Variants in GFOD1 observed in about 807,000 individuals in gnomAD.
GFOD1 encodes Gfo/Idh/MocA-like oxidoreductase domain containing 1.
GFOD1 carries 9 observed loss-of-function variants against 25.4 expected under a neutral mutation model. The observed-to-expected ratio is 0.35, with a 90% confidence interval of 0.21 to 0.62. The LOEUF (loss-of-function observed/expected upper bound fraction) is 0.62, where lower values mean the gene tolerates loss of function less well. GFOD1 is among the 20% of genes least tolerant of loss of function. The pLI is 0.72. For synonymous variants in GFOD1, 253 were observed against 245.6 expected, an observed-to-expected ratio of 1.03 and a Z score of -0.28; for missense variants, 403 against 556.9, an observed-to-expected ratio of 0.72 and a Z score of 2.78.
rs930708577 is a variant in GFOD1, at chr6:13,359,487, T to G, written c.*5256A>C. On this transcript the variant is annotated 3_prime_UTR_variant, in exon 2 of 2. Transcript: ENST00000379287. ...GGATGCAGGTGGAGGGTGAGCCAAG[T>G]AGACCAAGCCTCAGGAAATCCCAGA... 1 of 152,152 alleles carries G rather than the reference T, an allele frequency of 6.6e-6. No individual in the cohort carries two copies. The highest frequency in any genetic ancestry group is 6.5e-5 in the Admixed American group (1 of 15,268). The allele number at this position is 152,152 out of a possible 1,614,324, so 9.4% of individuals were successfully genotyped here.
chr6:13,378,198 C>T (rs1785291633), intron 1 of GFOD1, among the ~76,000 whole-genome samples: 2 of 152,058 alleles, frequency 1.3e-5, no homozygotes, highest in South Asian at 4.1e-4. Flanking sequence ...GAGATATGTG[C>T]AGATCCAGGG....
At chr6:13,475,458 C>T (rs1758599016) in intron 1 of GFOD1, among the ~76,000 whole-genome samples, 1 of 151,714 alleles carries the variant, frequency 6.6e-6, no homozygotes, top group African/African-American at 2.4e-5. Context: ...GCCTGTAATC[C>T]CAGCACTTTG....
At position 13,381,725 on chromosome 6, in the gene GFOD1, G is replaced by A. The variant is rs113377365; in HGVS notation, c.254-16063C>T. ...AGAGAACAAGGACAGAGGCCCAAGTGTGGCTTGCTTTGTGCTCCAGTGGGA... is the reference window on the plus strand; with the variant it reads ...AGAGAACAAGGACAGAGGCCCAAGTATGGCTTGCTTTGTGCTCCAGTGGGA... On this transcript the variant is annotated intron_variant, in intron 1 of 1. Coordinates refer to ENST00000379287, the MANE Select transcript of GFOD1 (RefSeq NM_018988.4). Among the ~76,000 whole-genome samples, 136 of 152,218 alleles carry A rather than the reference G, an allele frequency of 8.9e-4. 1 individual carries two copies. The highest frequency in any genetic ancestry group is 3.1e-3 in the African/African-American group (128 of 41,508).
chr6:13,470,445 G>A (rs1320881229), intron 1 of GFOD1: 9 of 1,550,116 alleles, frequency 5.8e-6, no homozygotes, highest in African/African-American at 1.4e-5. Context: ...AGTTAGACAG[G>A]CTGCATCCCT....
chr6:13,438,139 G>T (rs1757862020), intron 1 of GFOD1, among the ~76,000 whole-genome samples: 1 of 152,150 alleles, frequency 6.6e-6, no homozygotes, highest in Non-Finnish European at 1.5e-5. Context: ...GGGGAGGATC[G>T]AAGGGCATAC....
At chr6:13,469,610 T>C in intron 1 of GFOD1, 12 of 1,108,818 alleles carry the variant, frequency 1.1e-5, no homozygotes, top group Non-Finnish European at 1.2e-5. Context: ...TTCTTAGCCA[T>C]GTACACTTGC....
rs1444090682 is a variant in GFOD1 at position 13,464,596 on chromosome 6, G to A, written c.253+22042C>T. On this transcript the variant is annotated intron_variant, in intron 1 of 1. Transcript: ENST00000379287. ...CAGATATTGGGTGACACACTTTTCCGGATGCTCCTGTGAAAGTATTTTTTA... is the reference window on the plus strand; with the variant it reads ...CAGATATTGGGTGACACACTTTTCCAGATGCTCCTGTGAAAGTATTTTTTA... 3.3e-5 allele frequency among the ~76,000 whole-genome samples: 5 copies of A among 152,244 alleles called. No individual in the cohort carries two copies. In the East Asian group the frequency reaches 9.6e-4, roughly 29 times the overall value.
At chr6:13,428,511 ATG>A (rs1757684891) in intron 1 of GFOD1, among the ~76,000 whole-genome samples, 3 of 24,386 alleles carry the variant, frequency 1.2e-4, no homozygotes, top group South Asian at 2.5e-3. Context: ...CCCCAGTGCG[ATG>A]CGATGCGCTG....
At chr6:13,418,660 T>G (rs1382669025) in intron 1 of GFOD1, among the ~76,000 whole-genome samples, 1 of 152,174 alleles carries the variant, frequency 6.6e-6, no homozygotes, top group Non-Finnish European at 1.5e-5. Flanking sequence ...CCTCATTTCT[T>G]ATTCATACTC....
chr6:13,376,010 A>G (rs1245265723), intron 1 of GFOD1, among the ~76,000 whole-genome samples: 1 of 152,206 alleles, frequency 6.6e-6, no homozygotes, highest in Non-Finnish European at 1.5e-5. Flanking sequence ...GGCATTCCCC[A>G]GGAAAGAAAA....
intron 1 of GFOD1, among the ~76,000 whole-genome samples, chr6:13,413,784 G>A (rs565148196): frequency 6.6e-6 from 1 of 152,176 alleles, no homozygotes; most frequent in Non-Finnish European, 1.5e-5. Context: ...AAACAGCTTG[G>A]CAGATAAGAC....
At chr6:13,445,458 T>C (rs530346711) in intron 1 of GFOD1, among the ~76,000 whole-genome samples, 2 of 152,138 alleles carry the variant, frequency 1.3e-5, no homozygotes, top group Non-Finnish European at 2.9e-5. Flanking sequence ...AGAATAGCCA[T>C]AGAATTAAAA....
chr6:13,474,448 G>C (rs979532503), intron 1 of GFOD1, among the ~76,000 whole-genome samples: 4 of 152,130 alleles, frequency 2.6e-5, no homozygotes, highest in African/African-American at 9.7e-5. Flanking sequence ...GCCTTTTGTA[G>C]ACTGGCACTG....
intron 1 of GFOD1, among the ~76,000 whole-genome samples, chr6:13,453,393 G>T (rs992436209): frequency 6.6e-6 from 1 of 152,194 alleles, no homozygotes; most frequent in African/African-American, 2.4e-5. Context: ...CATGTACAGC[G>T]AGGCTTGAAT....
intron 1 of GFOD1, among the ~76,000 whole-genome samples, chr6:13,410,158 A>G (rs1296201344): frequency 6.6e-6 from 1 of 152,130 alleles, no homozygotes; most frequent in Non-Finnish European, 1.5e-5. Flanking sequence ...TTAACTTCAG[A>G]TAAATATAGC....
chr6:13,415,488 G>A (rs1370354950), intron 1 of GFOD1, among the ~76,000 whole-genome samples: 1 of 152,174 alleles, frequency 6.6e-6, no homozygotes, highest in Non-Finnish European at 1.5e-5. Flanking sequence ...CTGAAGAAGT[G>A]GATGCTACTG....
chr6:13,422,767 G>C (rs1388999629), intron 1 of GFOD1, among the ~76,000 whole-genome samples: 1 of 152,162 alleles, frequency 6.6e-6, no homozygotes, highest in African/African-American at 2.4e-5. Context: ...TTTCCTGAAA[G>C]CTGCAGGGAA....
rs985376271 is a variant in GFOD1 at position 13,362,129 on chromosome 6, A to G, written c.*2614T>C. ...GAAAATAATAATAATAATAATTCCAATGTTTCCCCAAAAACTACTTTCCCA... is the reference window on the plus strand; with the variant it reads ...GAAAATAATAATAATAATAATTCCAGTGTTTCCCCAAAAACTACTTTCCCA... On this transcript the variant is annotated 3_prime_UTR_variant, in exon 2 of 2. Transcript: ENST00000379287. 2.6e-5 allele frequency: 4 copies of G among 152,084 alleles called. No individual in the cohort carries two copies. The highest frequency in any genetic ancestry group is 9.7e-5 in the African/African-American group (4 of 41,400). The allele number at this position is 152,084 out of a possible 1,614,324, so 9.4% of individuals were successfully genotyped here. A position where few individuals can be genotyped will look rare whatever the true frequency, so the allele number is the denominator to read the frequency against.
chr6:13,365,487 C>T lies in GFOD1; in HGVS notation c.429G>A (p.Pro143=), dbSNP rs1785025294. The T allele has an allele frequency of 1.2e-6, 2 of 1,613,402 alleles. No individual in the cohort carries two copies. Among genetic ancestry groups the T allele is most frequent in the Non-Finnish European group, 1.7e-6 (2 of 1,179,982 alleles). Residue 143 remains proline, a synonymous_variant, in exon 2 of 2, where the codon CCG becomes CCA. Transcript: ENST00000379287. The surrounding 1 kb of genome is among the most constrained non-coding windows in gnomAD (Gnocchi z 9.2). ...CGTGCACCTGCACCTCACACACCAGCGGCTCGCCCACGTAGCCCTCCTCGA... is the reference window on the plus strand; with the variant it reads ...CGTGCACCTGCACCTCACACACCAGTGGCTCGCCCACGTAGCCCTCCTCGA... The part of the protein sequence containing the change: ...QLIEEGYVGE[P]LVCEVQVHGG...
Sources: allele counts gnomAD v4.1 joint callset (sites outside exome capture counted in the v4.1 genomes callset), GRCh38; gene constraint gnomAD v4.1.1; non-coding constraint Gnocchi (gnomAD v3.1); transcripts MANE v1.5; gene names NCBI Gene and HGNC (gene_info 2026-07-23, HGNC 2026-07-21).